PPP4R2: variants seen among roughly 807,000 people sequenced by gnomAD.
The protein encoded by PPP4R2 is protein phosphatase 4 regulatory subunit 2, also known as serine/threonine-protein phosphatase 4 regulatory subunit 2.
A neutral mutation model predicts 47.2 loss-of-function variants in PPP4R2; 13 were observed. The ratio of observed to expected loss-of-function variants is 0.28; its 90% CI spans 0.18 to 0.44. The LOEUF (loss-of-function observed/expected upper bound fraction) is 0.44, where lower values mean the gene tolerates loss of function less well. Among genes scored for constraint, PPP4R2 ranks in the 20% least tolerant of loss-of-function variants. The pLI is 1.00. For synonymous variants in PPP4R2, 151 were observed against 163.3 expected (o/e 0.92, Z 0.57); for missense variants, 421 against 491.2 (o/e 0.86, Z 1.35).
chr3:73,013,646 C>CTTT (rs56817057), intron 2 of PPP4R2, among the ~76,000 whole-genome samples: 1 of 145,048 alleles, frequency 6.9e-6, no homozygotes, highest in African/African-American at 2.5e-5. Context: ...TTTTCTTTTT[C>CTTT]TTTTTTTTTT....
chr3:73,032,507 T>C (rs1376658154), intron 2 of PPP4R2, among the ~76,000 whole-genome samples: 5 of 152,180 alleles, frequency 3.3e-5, no homozygotes, highest in African/African-American at 1.2e-4. Flanking sequence ...CAGGATGGTC[T>C]TGATTTCCTG....
At position 73,067,019 on chromosome 3, in the gene PPP4R2, C is replaced by A. The variant is rs1703009820; in HGVS notation, c.*1297C>A. 1 of 152,092 alleles carries A rather than the reference C, an allele frequency of 6.6e-6. No individual in the cohort carries two copies. The highest frequency in any genetic ancestry group is 2.1e-4 in the South Asian group (1 of 4,826). The allele number at this position is 152,092 out of a possible 1,614,324, so 9.4% of individuals were successfully genotyped here. ...GCCAAATTTATACCTGTTTCTTCAGCTGTACCTTTTGATATTTAAAGTTTT... is the reference window on the plus strand; with the variant it reads ...GCCAAATTTATACCTGTTTCTTCAGATGTACCTTTTGATATTTAAAGTTTT... On this transcript the variant is annotated 3_prime_UTR_variant, in exon 9 of 9. Transcript: ENST00000356692.
intron 3 of PPP4R2, among the ~76,000 whole-genome samples, chr3:73,054,047 G>C (rs1234155920): frequency 6.6e-6 from 1 of 152,070 alleles, no homozygotes; most frequent in African/African-American, 2.4e-5. Context: ...CACCTGAGTA[G>C]CTGGGATTAC....
chr3:73,055,390 T>G (rs1284622985), intron 3 of PPP4R2, among the ~76,000 whole-genome samples: 3 of 150,236 alleles, frequency 2.0e-5, no homozygotes, highest in African/African-American at 7.4e-5. Context: ...TAAATTCAGT[T>G]TTGAGTAAGG....
At position 73,010,558 on chromosome 3, in the gene PPP4R2, C is replaced by T. The variant is rs1054501419; in HGVS notation, c.116+12400C>T. ...TTCAGTATAATTTACTTGTCTCTCTCGCTCTCTTTTTTTTTTTTAAGACAG... is the reference window on the plus strand; with the variant it reads ...TTCAGTATAATTTACTTGTCTCTCTTGCTCTCTTTTTTTTTTTTAAGACAG... On this transcript the variant is annotated intron_variant, in intron 2 of 8. Transcript: ENST00000356692. Among the ~76,000 whole-genome samples the T allele has an allele frequency of 8.2e-5, 10 of 121,744 alleles. 1 individual carries two copies. The East Asian group carries it at 9.2e-4, about 11-fold the overall frequency. 79.9% of individuals were successfully genotyped at this position (121,744 alleles called of 152,430 possible).
At chr3:73,002,207 C>G (rs1489214542) in intron 2 of PPP4R2, among the ~76,000 whole-genome samples, 1 of 152,124 alleles carries the variant, frequency 6.6e-6, no homozygotes, top group Non-Finnish European at 1.5e-5. Context: ...GAATAATATA[C>G]CACATTTTCT....
intron 8 of PPP4R2, 121 bp downstream of exon 8, chr3:73,065,262 C>T: frequency 7.7e-7 from 1 of 1,305,834 alleles, no homozygotes; most frequent in Non-Finnish European, 1.0e-6. Context: ...TTGGGCTTTT[C>T]TCCCACCTGT....
At chr3:73,023,700 A>G (rs985222886) in intron 2 of PPP4R2, among the ~76,000 whole-genome samples, 50 of 152,340 alleles carry the variant, frequency 3.3e-4, no homozygotes, top group African/African-American at 1.2e-3. Flanking sequence ...ATAGCATATT[A>G]ATTTAGAATA....
At chr3:73,024,110 A>G (rs1702013172) in intron 2 of PPP4R2, among the ~76,000 whole-genome samples, 1 of 152,172 alleles carries the variant, frequency 6.6e-6, no homozygotes, top group Admixed American at 6.5e-5. Context: ...TTTTCAGACT[A>G]GAAACTTAAA....
intron 4 of PPP4R2, among the ~76,000 whole-genome samples, 186 bp from the exon 5 acceptor site, chr3:73,060,837 T>C (rs1482013979): frequency 2.0e-5 from 3 of 152,322 alleles, no homozygotes; most frequent in East Asian, 3.9e-4. Flanking sequence ...TATTCTCTTT[T>C]GGTCCTTTGT....
At chr3:73,027,629 T>A (rs894358406) in intron 2 of PPP4R2, among the ~76,000 whole-genome samples, 8 of 151,622 alleles carry the variant, frequency 5.3e-5, no homozygotes, top group African/African-American at 1.7e-4. Context: ...ATTTGTTTTA[T>A]ATATATGAAT....
intron 2 of PPP4R2, among the ~76,000 whole-genome samples, chr3:73,019,437 G>A (rs1701914789): frequency 6.6e-6 from 1 of 152,146 alleles, no homozygotes; most frequent in Non-Finnish European, 1.5e-5. Flanking sequence ...GCAGTGGTGT[G>A]ATCTCAGCTC....
At chr3:73,045,355 A>G (rs909286498) in intron 2 of PPP4R2, among the ~76,000 whole-genome samples, 2 of 152,034 alleles carry the variant, frequency 1.3e-5, no homozygotes, top group Non-Finnish European at 2.9e-5. Context: ...TTTTGGGACT[A>G]TATCAGGAAG....
In PPP4R2 at chr3:73,041,113, G is replaced by A. The variant is rs535786428; in HGVS notation, c.117-6073G>A. Among the ~76,000 whole-genome samples the A allele has an allele frequency of 4.6e-5, 7 of 152,150 alleles. No homozygotes were observed. In the South Asian group the frequency reaches 1.4e-3, roughly 32 times the overall value. ...GTTTTTAAATCCTATTAACATTTTG[G>A]AGTAGTCTCAATATTTTTCAGTTTA... On this transcript the variant is annotated intron_variant, in intron 2 of 8. Coordinates refer to ENST00000356692, the MANE Select transcript of PPP4R2 (RefSeq NM_174907.4).
At chr3:73,058,041 C>A (rs985543128) in intron 3 of PPP4R2, among the ~76,000 whole-genome samples, 95 of 152,108 alleles carry the variant, frequency 6.2e-4, no homozygotes, top group African/African-American at 2.2e-3. Context: ...GTGCTCATAA[C>A]TTTGCTGTTC....
At position 72,996,825 on chromosome 3, in the gene PPP4R2, A is replaced by C; in HGVS notation, c.-213A>C. ...GGTGACGTACCGGGCGCCATGTTGG[A>C]GGGTTGGTGGTAGCGGCTTGGGGAG... On this transcript the variant is annotated 5_prime_UTR_variant, in exon 1 of 9. Transcript: ENST00000356692. 2.6e-6 allele frequency: 1 copy of C among 389,090 alleles called. No homozygotes were observed. 24.1% of individuals were successfully genotyped at this position (389,090 alleles called of 1,614,324 possible).
chr3:73,038,292 T>C lies in PPP4R2; in HGVS notation c.117-8894T>C, dbSNP rs148645138. 8.1e-3 allele frequency among the ~76,000 whole-genome samples: 1,238 copies of C among 152,164 alleles called. 20 individuals carry two copies. The highest frequency in any genetic ancestry group is 0.027 in the African/African-American group (1,141 of 41,510). On this transcript the variant is annotated intron_variant, in intron 2 of 8. Coordinates refer to ENST00000356692, the MANE Select transcript of PPP4R2 (RefSeq NM_174907.4). The stretch of plus-strand genomic sequence containing the variant: ...ATTGTGAGCCGTGCTGTTAGAAGAG[T>C]CATCTTTGGTACAGCACTGACATAG...
chr3:73,018,465 A>ATGTTTGTTAT (rs1295553516), intron 2 of PPP4R2, among the ~76,000 whole-genome samples: 1 of 88,852 alleles, frequency 1.1e-5, no homozygotes. Context: ...ATGTTATGTT[A>ATGTTTGTTAT]GTATCCGAAA....
rs192448998 is a variant in PPP4R2, at chr3:73,054,070, A to G, written c.288-4967A>G. On this transcript the variant is annotated intron_variant, in intron 3 of 8. Transcript: ENST00000356692. The stretch of plus-strand genomic sequence containing the variant: ...TAGCTGGGATTACAGGCATGCATCA[A>G]CCATGCCCGGCTAATTTTTGTATTT... Among the ~76,000 whole-genome samples the G allele has an allele frequency of 3.1e-3, 468 of 152,198 alleles. 1 individual carries two copies. Among genetic ancestry groups the G allele is most frequent in the African/African-American group, 0.01 (432 of 41,530 alleles).
Sources: allele counts gnomAD v4.1 joint callset (sites outside exome capture counted in the v4.1 genomes callset), GRCh38; gene constraint gnomAD v4.1.1; transcripts MANE v1.5; gene names NCBI Gene and HGNC (gene_info 2026-07-23, HGNC 2026-07-21).